Variants in ZNF536 observed in about 807,000 individuals in gnomAD.
ZNF536 encodes the protein zinc finger protein 536.
Under a neutral mutation model 84.5 loss-of-function variants are expected in ZNF536, and 13 were observed. The observed-to-expected ratio is 0.15, with a 90% CI of 0.10 to 0.24. ZNF536 has a LOEUF of 0.24. Ranked by LOEUF, ZNF536 falls within the 10% of genes least tolerant of loss-of-function variation. The pLI is 1.00. For synonymous variants in ZNF536, 811 were observed against 742.5 expected (o/e 1.09, Z -1.50); for missense variants, 1,536 against 1,747.5 (o/e 0.88, Z 2.16).
At chr19:30,302,835 C>G (rs1185454171) in intron 2 of ZNF536, among the ~76,000 whole-genome samples, 3 of 152,104 alleles carry the variant, frequency 2.0e-5, no homozygotes, top group African/African-American at 4.8e-5. Context: ...TGAATGGGTG[C>G]AGCAGACGCA....
chr19:30,414,996 A>T (rs1018814467), intron 1 of ZNF536, among the ~76,000 whole-genome samples: 1 of 152,082 alleles, frequency 6.6e-6, no homozygotes, highest in African/African-American at 2.4e-5. Flanking sequence ...TATGTGGGTA[A>T]GCTGTTGTCT....
At chr19:30,498,862 G>T (rs1298402471) in intron 2 of ZNF536, among the ~76,000 whole-genome samples, 1 of 152,034 alleles carries the variant, frequency 6.6e-6, no homozygotes, top group Non-Finnish European at 1.5e-5. Context: ...ACTCTACCGG[G>T]GGCGCAAGTA....
intron 1 of ZNF536, among the ~76,000 whole-genome samples, chr19:30,388,726 C>T (rs141979565): frequency 6.6e-6 from 1 of 152,206 alleles, no homozygotes; most frequent in Non-Finnish European, 1.5e-5. Context: ...TCTTTAGAAA[C>T]AAATGCTATG....
At chr19:30,323,967 CCACT>C (rs2046939414) in intron 2 of ZNF536, among the ~76,000 whole-genome samples, 1 of 152,056 alleles carries the variant, frequency 6.6e-6, no homozygotes, top group African/African-American at 2.4e-5. Flanking sequence ...ATTTACTCAT[CCACT>C]CAATCAACTA....
chr19:30,673,464 G>C (rs1568658882), intron 1 of ZNF536, among the ~76,000 whole-genome samples: 1 of 152,200 alleles, frequency 6.6e-6, no homozygotes, highest in Non-Finnish European at 1.5e-5. Context: ...CTGAGAAGCT[G>C]ACTCAGATTT....
chr19:30,570,351 C>T (rs974260786), intron 1 of ZNF536, among the ~76,000 whole-genome samples: 2 of 152,132 alleles, frequency 1.3e-5, no homozygotes, highest in African/African-American at 2.4e-5. Flanking sequence ...TAACCCGGCA[C>T]GTTCCTCCCA....
chr19:30,638,745 G>A (rs1012075610), intron 1 of ZNF536, among the ~76,000 whole-genome samples: 3 of 152,164 alleles, frequency 2.0e-5, no homozygotes, highest in African/African-American at 7.2e-5. Flanking sequence ...GGGCTTCTGA[G>A]GGGATTGTAA....
intron 1 of ZNF536, among the ~76,000 whole-genome samples, chr19:30,419,078 T>C (rs1263394304): frequency 6.6e-6 from 1 of 152,246 alleles, no homozygotes; most frequent in Non-Finnish European, 1.5e-5. Flanking sequence ...TTTGTTATTT[T>C]TTCTTTCTTT....
intron 1 of ZNF536, among the ~76,000 whole-genome samples, chr19:30,261,726 A>G (rs74755377): frequency 0.012 from 1,815 of 151,682 alleles, 16 homozygotes; most frequent in Middle Eastern, 0.021. Context: ...AAGAAAAAGA[A>G]AAGTGAGTTG....
rs771139840 is a variant in ZNF536, at chr19:30,444,210, C to A, written c.648C>A (p.Ser216Arg). Residue 216 changes from serine to arginine, a missense_variant, in exon 2 of 5, where the codon AGC becomes AGA. Physicochemically the swap from Ser to Arg is moderately radical, Grantham distance 110. Coordinates refer to ENST00000355537, the MANE Select transcript of ZNF536 (RefSeq NM_014717.3). Reference sequence around the variant, plus strand: ...TGCGGGACAAGCAGCTGAAAGGCAGCCTGCTGCAGCCCCGGCCGGACCTGA... The same window carrying A: ...TGCGGGACAAGCAGCTGAAAGGCAGACTGCTGCAGCCCCGGCCGGACCTGA... Reference protein sequence around the residue: ...AILRDKQLKGSLLQPRPDLKP... With the variant: ...AILRDKQLKGRLLQPRPDLKP... 1 of 1,548,990 alleles carries A rather than the reference C, an allele frequency of 6.5e-7. No individual in the cohort carries two copies. Among genetic ancestry groups the A allele is most frequent in the Non-Finnish European group, 8.7e-7 (1 of 1,152,022 alleles).
chr19:30,548,870 T>G lies in ZNF536; in HGVS notation c.3251T>G (p.Leu1084Arg). 1 of 1,614,104 alleles carries G rather than the reference T, an allele frequency of 6.2e-7. No individual in the cohort carries two copies. Among genetic ancestry groups the G allele is most frequent in the South Asian group, 1.1e-5 (1 of 91,074 alleles). The stretch of plus-strand genomic sequence containing the variant: ...TCTGAGAAGATGGCCCAAGGTCAGC[T>G]CAAGGAGACTCTGGGAGAGCAGAAG... ...SASEKMAQGQ[L>R]KETLGEQKSG... is the part of the protein sequence containing the mutation. Residue 1084 changes from leucine to arginine, a missense_variant, in exon 4 of 5, where the codon CTC becomes CGC. Around this residue, in one of 8 missense-constraint regions of ZNF536, gnomAD observed 624 missense variants for 603.1 expected, o/e 1.03. Transcript: ENST00000355537.
intron 1 of ZNF536, among the ~76,000 whole-genome samples, chr19:30,582,097 G>C (rs10518268): frequency 0.011 from 1,694 of 152,258 alleles, 15 homozygotes; most frequent in Non-Finnish European, 0.019. Context: ...GGCAGCTTTT[G>C]GCCATGTTGT....
Position 30,683,818 on chromosome 19 carries a change from A to C in ZNF536, c.170-26939A>C, listed in dbSNP as rs150634139. Reference sequence around the variant, plus strand: ...CCACTCCACTTCATCCCATTCTGTAACACCTTAGACAGGAGGGGCTGTACC... The same window carrying C: ...CCACTCCACTTCATCCCATTCTGTACCACCTTAGACAGGAGGGGCTGTACC... On this transcript the variant is annotated intron_variant, in intron 1 of 1. Transcript: ENST00000592773. 2.6e-3 allele frequency among the ~76,000 whole-genome samples: 392 copies of C among 152,322 alleles called. 1 individual carries two copies. Among genetic ancestry groups the C allele is most frequent in the Non-Finnish European group, 4.1e-3 (280 of 68,030 alleles).
chr19:30,701,741 C>G (rs1226693176), intron 1 of ZNF536, among the ~76,000 whole-genome samples: 1 of 152,204 alleles, frequency 6.6e-6, no homozygotes, highest in Non-Finnish European at 1.5e-5. Flanking sequence ...AAGTTGAATT[C>G]CTGATCAGTA....
intron 1 of ZNF536, among the ~76,000 whole-genome samples, chr19:30,617,538 G>A (rs60803405): frequency 6.6e-6 from 1 of 151,020 alleles, no homozygotes; most frequent in Non-Finnish European, 1.5e-5. Flanking sequence ...TTTTAGTAGA[G>A]ACTGGGTTTC....
At chr19:30,308,366 T>G (rs913031345) in intron 2 of ZNF536, among the ~76,000 whole-genome samples, 1 of 152,168 alleles carries the variant, frequency 6.6e-6, no homozygotes, top group Non-Finnish European at 1.5e-5. Flanking sequence ...TTTTTTCATG[T>G]GAACCATGAT....
At chr19:30,442,148 T>C (rs993583080) in intron 1 of ZNF536, among the ~76,000 whole-genome samples, 1 of 152,212 alleles carries the variant, frequency 6.6e-6, no homozygotes, top group Non-Finnish European at 1.5e-5. Context: ...AAATTTGGAC[T>C]CCTTCAGGTG....
intron 1 of ZNF536, among the ~76,000 whole-genome samples, chr19:30,701,260 AACACACAGAC>A (rs1568686067): frequency 6.8e-6 from 1 of 146,992 alleles, no homozygotes; most frequent in Non-Finnish European, 1.5e-5. Flanking sequence ...CACACACACA[AACACACAGAC>A]ACAGACGCAT....
intron 2 of ZNF536, among the ~76,000 whole-genome samples, chr19:30,290,168 C>T (rs2045786680): frequency 6.6e-6 from 1 of 152,218 alleles, no homozygotes; most frequent in South Asian, 2.1e-4. Context: ...GTCGAATGTC[C>T]TCAAGGTTCA....
Sources: allele counts gnomAD v4.1 joint callset (sites outside exome capture counted in the v4.1 genomes callset), GRCh38; gene constraint gnomAD v4.1.1; regional missense constraint gnomAD v4.1.1; transcripts MANE v1.5; gene names NCBI Gene and HGNC (gene_info 2026-07-23, HGNC 2026-07-21).